Variants in ARSG observed in about 807,000 individuals in gnomAD.
ARSG encodes arylsulfatase G.
A neutral mutation model predicts 50.5 loss-of-function variants in ARSG; 37 were observed. The observed-to-expected ratio is 0.73, with a 90% CI of 0.56 to 0.96. ARSG has a LOEUF of 0.96. ARSG is among the 50% of genes least tolerant of loss of function. The probability of loss-of-function intolerance (pLI) is 0.00; values close to 1 mark genes in which losing one functional copy is unlikely to be tolerated. For synonymous variants in ARSG, 225 were observed against 254.6 expected, an observed-to-expected ratio of 0.88 and a Z score of 1.11; for missense variants, 629 against 675.3, an observed-to-expected ratio of 0.93 and a Z score of 0.76.
intron 1 of ARSG, among the ~76,000 whole-genome samples, chr17:68,300,252 T>G (rs1371378954): frequency 6.6e-6 from 1 of 152,174 alleles, no homozygotes; most frequent in Admixed American, 6.5e-5. Flanking sequence ...GGCCTGGGGC[T>G]TATTTCAAAA....
intron 1 of ARSG, among the ~76,000 whole-genome samples, chr17:68,275,215 T>C (rs2075474803): frequency 6.6e-6 from 1 of 152,220 alleles, no homozygotes; most frequent in African/African-American, 2.4e-5. Flanking sequence ...CTAGGACATT[T>C]AAATCTGGCA....
intron 1 of ARSG, chr17:68,272,882 G>A: frequency 7.9e-7 from 1 of 1,262,112 alleles, no homozygotes; most frequent in Non-Finnish European, 1.1e-6. Flanking sequence ...AGTTCTAGGA[G>A]CCAAGTAATT....
intron 2 of ARSG, among the ~76,000 whole-genome samples, chr17:68,324,751 T>C (rs2077436092): frequency 6.6e-6 from 1 of 152,234 alleles, no homozygotes; most frequent in South Asian, 2.1e-4. Flanking sequence ...GTTAGAAATA[T>C]GTGTAACATG....
Position 68,420,547 on chromosome 17 carries a change from A to T in ARSG, c.*84A>T. 2 of 1,452,594 alleles carry T rather than the reference A, an allele frequency of 1.4e-6. No individual in the cohort carries two copies. 90.0% of individuals were successfully genotyped at this position (1,452,594 alleles called of 1,614,324 possible). On this transcript the variant is annotated 3_prime_UTR_variant, in exon 12 of 12. Transcript: ENST00000621439. ...AATTTCATTTTTACCCTCTTTACAA[A>T]CACACGCTTTAGTTTAGTCTTGGAG...
At chr17:68,447,984 CAAAAAAAAAA>C in the ARSG span, among the ~76,000 whole-genome samples, 1 of 80,284 alleles carries the variant, frequency 1.2e-5, no homozygotes, top group African/African-American at 4.7e-5. Flanking sequence ...GACTCTATCT[CAAAAAAAAAA>C]AAAAAAAAAA....
intron 2 of ARSG, among the ~76,000 whole-genome samples, chr17:68,312,245 G>A (rs534761182): frequency 6.6e-6 from 1 of 152,288 alleles, no homozygotes; most frequent in Admixed American, 6.5e-5. Context: ...ATGTAACACA[G>A]TGCTTGGTAC....
At chr17:68,314,510 A>G (rs1332892951) in intron 2 of ARSG, among the ~76,000 whole-genome samples, 11 of 143,968 alleles carry the variant, frequency 7.6e-5, no homozygotes, top group Non-Finnish European at 1.4e-4. Flanking sequence ...TGGGCAACAG[A>G]GCAAGACTCC....
intron 6 of ARSG, among the ~76,000 whole-genome samples, chr17:68,366,386 TA>T (rs146100013): frequency 1.3e-5 from 2 of 152,122 alleles, no homozygotes; most frequent in Non-Finnish European, 2.9e-5. Flanking sequence ...ACCTGAAAAT[TA>T]AAAAAAGCCA....
chr17:68,415,930 G>A lies in ARSG; in HGVS notation c.1304-4259G>A, dbSNP rs561459776. On this transcript the variant is annotated intron_variant, in intron 11 of 11. Coordinates refer to ENST00000621439, the MANE Select transcript of ARSG (RefSeq NM_001267727.2). ...TCCTTATATGTTAGATGAGTCTCCCGAAGGCAGCAGATGGTTGGTTGGTGA... is the reference window on the plus strand; with the variant it reads ...TCCTTATATGTTAGATGAGTCTCCCAAAGGCAGCAGATGGTTGGTTGGTGA... 7.2e-5 allele frequency among the ~76,000 whole-genome samples: 11 copies of A among 152,266 alleles called. No individual in the cohort carries two copies. The South Asian group carries it at 1.4e-3, about 20-fold the overall frequency.
At chr17:68,426,207 A>C, downstream of ARSG, 1 of 1,352,518 alleles carries the variant, frequency 7.4e-7, no homozygotes, top group Non-Finnish European at 1.0e-6. Flanking sequence ...TGAAACAAGC[A>C]CTGGGGATCT....
intron 1 of ARSG, among the ~76,000 whole-genome samples, chr17:68,286,203 G>T (rs1555754301): frequency 6.6e-6 from 1 of 152,222 alleles, no homozygotes. Flanking sequence ...CAGCACTGAA[G>T]TTCTGGTGCC....
At chr17:68,387,564 C>CTG (rs952121776) in intron 9 of ARSG, among the ~76,000 whole-genome samples, 41 of 152,116 alleles carry the variant, frequency 2.7e-4, no homozygotes, top group African/African-American at 9.4e-4. Flanking sequence ...CCTGGACAGG[C>CTG]TGTGTGTGTG....
At chr17:68,290,504 G>A (rs2075948840), upstream of ARSG, among the ~76,000 whole-genome samples, 1 of 152,224 alleles carries the variant, frequency 6.6e-6, no homozygotes, top group African/African-American at 2.4e-5. Context: ...GACAGTCCAG[G>A]TGGAGGACCC....
intron 9 of ARSG, 77 bp from the exon 10 acceptor site, chr17:68,394,996 C>T (rs755374761): frequency 2.6e-5 from 41 of 1,588,970 alleles, no homozygotes; most frequent in Non-Finnish European, 2.9e-5. Context: ...TGGGCTGGTT[C>T]AGGTGGGGGT....
chr17:68,445,883 G>A, the ARSG span, among the ~76,000 whole-genome samples: 5 of 152,024 alleles, frequency 3.3e-5, no homozygotes, highest in Non-Finnish European at 5.9e-5. Flanking sequence ...TGCCCAAGGA[G>A]CTGCCCAAGG....
rs890272666 is a variant in ARSG at position 68,378,778 on chromosome 17, C to T, written c.983-6286C>T. ...TGAAGAGCAGAACTGTTCCTTCCTC[C>T]CCCTTGGTGATGAGGAAACATTCTG... On this transcript the variant is annotated intron_variant, in intron 8 of 11. Coordinates refer to ENST00000621439, the MANE Select transcript of ARSG (RefSeq NM_001267727.2). The surrounding 1 kb of genome is among the most constrained non-coding windows in gnomAD (Gnocchi z 4.4). Among the ~76,000 whole-genome samples, 14 of 152,182 alleles carry T rather than the reference C, an allele frequency of 9.2e-5. No individual in the cohort carries two copies. The highest frequency in any genetic ancestry group is 1.5e-4 in the Non-Finnish European group (10 of 68,040).
intron 6 of ARSG, among the ~76,000 whole-genome samples, chr17:68,362,937 T>TAATG (rs900401476): frequency 5.2e-4 from 79 of 152,262 alleles, no homozygotes; most frequent in African/African-American, 1.2e-3. Flanking sequence ...AATAAATATT[T>TAATG]AATGAATGAA....
intron 2 of ARSG, among the ~76,000 whole-genome samples, chr17:68,323,826 A>G (rs925480949): frequency 8.5e-5 from 13 of 152,214 alleles, no homozygotes; most frequent in African/African-American, 3.1e-4. Flanking sequence ...TAATCCCAAC[A>G]CTTTGGGAGG....
chr17:68,294,919 T>C (rs2076152747), intron 1 of ARSG, among the ~76,000 whole-genome samples: 1 of 152,056 alleles, frequency 6.6e-6, no homozygotes, highest in African/African-American at 2.4e-5. Context: ...TCTGGGAGAA[T>C]TTAAAGATTT....
Sources: gnomAD v4.1 joint callset for allele counts (sites outside exome capture counted in the v4.1 genomes callset) on GRCh38, gnomAD v4.1.1 for gene constraint, Gnocchi (gnomAD v3.1) non-coding constraint, MANE v1.5 for transcripts, NCBI Gene and HGNC (gene_info 2026-07-23, HGNC 2026-07-21) for gene names.